CEP57: variants seen among roughly 807,000 people sequenced by gnomAD.
The protein encoded by CEP57 is centrosomal protein of 57 kDa.
A neutral mutation model predicts 68.0 loss-of-function variants in CEP57; 40 were observed. The observed-to-expected ratio is 0.59, with a 90% CI of 0.46 to 0.77. The LOEUF (loss-of-function observed/expected upper bound fraction) is 0.77, where lower values mean the gene tolerates loss of function less well. Among genes scored for constraint, CEP57 ranks in the 30% least tolerant of loss-of-function variants. The probability of loss-of-function intolerance (pLI) is 0.00; values close to 1 mark genes in which losing one functional copy is unlikely to be tolerated. For synonymous variants in CEP57, 219 were observed against 198.7 expected, an observed-to-expected ratio of 1.10 and a Z score of -0.86; for missense variants, 606 against 580.7, an observed-to-expected ratio of 1.04 and a Z score of -0.45.
At chr11:95,817,726 T>G in intron 4 of CEP57, 61 bp from the exon 5 acceptor site, 19 of 1,084,086 alleles carry the variant, frequency 1.8e-5, no homozygotes, top group Non-Finnish European at 2.6e-5. Context: ...AAAACACTGC[T>G]CAGTGTTTTT....
chr11:95,792,497 TAAAC>T (rs908617431), intron 1 of CEP57, among the ~76,000 whole-genome samples: 1 of 152,160 alleles, frequency 6.6e-6, no homozygotes, highest in Non-Finnish European at 1.5e-5. Context: ...AAATATTAAA[TAAAC>T]GTTTAATTGA....
intron 1 of CEP57, chr11:95,794,481 CTG>C (rs1192335181): frequency 5.4e-6 from 2 of 369,334 alleles, no homozygotes; most frequent in Admixed American, 3.4e-5. Context: ...TAAATTTTTG[CTG>C]TGTGTGTGAA....
intron 2 of CEP57, among the ~76,000 whole-genome samples, chr11:95,803,223 A>G (rs1228058050): frequency 6.6e-6 from 1 of 152,198 alleles, no homozygotes; most frequent in Admixed American, 6.5e-5. Context: ...TGACACAAAA[A>G]AAGCATACTT....
At chr11:95,805,740 C>T (rs1278292380) in intron 2 of CEP57, among the ~76,000 whole-genome samples, 1 of 152,086 alleles carries the variant, frequency 6.6e-6, no homozygotes, top group Non-Finnish European at 1.5e-5. Context: ...GAAATACTGG[C>T]ACTAATTCCC....
intron 2 of CEP57, among the ~76,000 whole-genome samples, chr11:95,804,620 A>T (rs1354531510): frequency 6.6e-6 from 1 of 152,230 alleles, no homozygotes; most frequent in African/African-American, 2.4e-5. Context: ...GTCACCTCTG[A>T]TAAGTCAACT....
chr11:95,799,130 T>G (rs146633501), intron 1 of CEP57, 102 bp from the exon 2 acceptor site: 1 of 1,162,574 alleles, frequency 8.6e-7, no homozygotes, highest in Admixed American at 1.9e-5. Context: ...ATTTTTTCTG[T>G]TGTCTGTATG....
chr11:95,829,068 T>C, intron 9 of CEP57, 119 bp from the exon 10 acceptor site: 1 of 1,067,780 alleles, frequency 9.4e-7, no homozygotes, highest in Non-Finnish European at 1.4e-6. Context: ...TTTATTGCTC[T>C]GTTCAAAAAA....
At chr11:95,820,353 T>TA (rs1862468150) in intron 6 of CEP57, among the ~76,000 whole-genome samples, 1 of 152,012 alleles carries the variant, frequency 6.6e-6, no homozygotes, top group South Asian at 2.1e-4. Flanking sequence ...TTATCATTGT[T>TA]AAAGAGTGGT....
At chr11:95,813,737 T>G (rs1490601690) in intron 4 of CEP57, 148 bp downstream of exon 4, 3 of 842,920 alleles carry the variant, frequency 3.6e-6, no homozygotes, top group Non-Finnish European at 5.6e-6. Context: ...AATCTAAATA[T>G]GTGATTGGCT....
At position 95,821,934 on chromosome 11, in the gene CEP57, A is replaced by T. The variant is rs1001489205; in HGVS notation, c.763A>T (p.Asn255Tyr). 3.7e-6 allele frequency: 6 copies of T among 1,612,812 alleles called. No individual in the cohort carries two copies. Among genetic ancestry groups the T allele is most frequent in the Middle Eastern group, 1.8e-4 (1 of 5,646 alleles). ...AGATAAGGCAACTCCGTGTGTTCCC[A>T]ATGCAAGAAGAATTAAAAAAAAGAA... The part of the protein sequence containing the change: ...FEDKATPCVP[N>Y]ARRIKKKKSK... The change falls in exon 7 of 11, where the codon AAT (asparagine) becomes TAT (tyrosine). Residue 255 changes from asparagine (N) to tyrosine (Y), a missense_variant. By Grantham distance (143) the Asn-to-Tyr change is moderately radical (BLOSUM62 -2). Coordinates refer to ENST00000325542, the MANE Select transcript of CEP57 (RefSeq NM_014679.5).
intron 2 of CEP57, among the ~76,000 whole-genome samples, chr11:95,802,240 T>C (rs1861611302): frequency 6.6e-6 from 1 of 151,832 alleles, no homozygotes; most frequent in South Asian, 2.1e-4. Context: ...GTGAAAGGTT[T>C]ATAAACGTGA....
chr11:95,813,226 C>A, intron 3 of CEP57, 115 bp downstream of exon 3: 1 of 1,146,934 alleles, frequency 8.7e-7, no homozygotes, highest in Non-Finnish European at 1.3e-6. Context: ...TACTACAAAA[C>A]TGCATTGTAT....
chr11:95,817,401 G>T (rs1862343377), intron 4 of CEP57, among the ~76,000 whole-genome samples: 1 of 152,022 alleles, frequency 6.6e-6, no homozygotes, highest in African/African-American at 2.4e-5. Flanking sequence ...ATTATACATA[G>T]AATTCAAGGG....
Position 95,813,685 on chromosome 11 carries a change from C to G in CEP57, c.504+96C>G. On this transcript the variant is annotated intron_variant, in intron 4 of 10. Coordinates refer to ENST00000325542, the MANE Select transcript of CEP57 (RefSeq NM_014679.5). ...TTTCTTTCGGTGAGGATTAATGGTG[C>G]TGTTACAGCCCAGGACTGAAATTTC... 3 of 1,444,106 alleles carry G rather than the reference C, an allele frequency of 2.1e-6. No individual in the cohort carries two copies. In the South Asian group the frequency reaches 3.5e-5, roughly 17 times the overall value. 89.5% of individuals were successfully genotyped at this position (1,444,106 alleles called of 1,614,324 possible). A position where few individuals can be genotyped will look rare whatever the true frequency, so the allele number is the denominator to read the frequency against.
Position 95,831,739 on chromosome 11 carries a change from GT to G in CEP57, c.*488del, listed in dbSNP as rs1300119712. ...ATACTTTGTTTCTACTATTGGTGGAGTTTTTCTATATTTAAAAATACATATA... is the reference window on the plus strand; with the variant it reads ...ATACTTTGTTTCTACTATTGGTGGAGTTTTCTATATTTAAAAATACATATA... On this transcript the variant is annotated 3_prime_UTR_variant, in exon 11 of 11. Transcript: ENST00000325542. 1 of 152,112 alleles carries G rather than the reference GT, an allele frequency of 6.6e-6. No individual in the cohort carries two copies. The highest frequency in any genetic ancestry group is 1.5e-5 in the Non-Finnish European group (1 of 68,078). The allele number at this position is 152,112 out of a possible 1,614,324, so 9.4% of individuals were successfully genotyped here.
At chr11:95,829,041 C>CAAA (rs397729482) in intron 9 of CEP57, 146 bp from the exon 10 acceptor site, 54 of 626,936 alleles carry the variant, frequency 8.6e-5, no homozygotes, top group African/African-American at 2.0e-4. Context: ...GACTCCGTCT[C>CAAA]AAAAAAAAAA....
At chr11:95,830,808 T>C (rs1862966661) in intron 10 of CEP57, among the ~76,000 whole-genome samples, 2 of 151,348 alleles carry the variant, frequency 1.3e-5, no homozygotes, top group Admixed American at 6.6e-5. Flanking sequence ...TGTATTGTTT[T>C]ATATATATAT....
intron 2 of CEP57, among the ~76,000 whole-genome samples, chr11:95,810,931 G>T (rs772672945): frequency 3.4e-4 from 52 of 152,228 alleles, no homozygotes; most frequent in Non-Finnish European, 6.8e-4. Flanking sequence ...AAAAAGTCAG[G>T]AAACAACAGA....
At chr11:95,794,222 C>G (rs983790717) in intron 1 of CEP57, 1 of 453,860 alleles carries the variant, frequency 2.2e-6, no homozygotes, top group Non-Finnish European at 4.4e-6. Flanking sequence ...TTTTTCCAGA[C>G]CAGAGGCTGG....
Sources: gnomAD v4.1 joint callset for allele counts (sites outside exome capture counted in the v4.1 genomes callset) on GRCh38, gnomAD v4.1.1 for gene constraint, MANE v1.5 for transcripts, NCBI Gene and HGNC (gene_info 2026-07-23, HGNC 2026-07-21) for gene names.